GPHN: variants seen among roughly 807,000 people sequenced by gnomAD.
GPHN encodes the protein gephyrin.
Under a neutral mutation model 95.5 loss-of-function variants are expected in GPHN, and 17 were observed. That is an observed-to-expected ratio of 0.18 (90% confidence interval 0.12 to 0.27). The LOEUF (loss-of-function observed/expected upper bound fraction) is 0.27, where lower values mean the gene tolerates loss of function less well. Among genes scored for constraint, GPHN ranks in the 10% least tolerant of loss-of-function variants. GPHN has a pLI of 1.00. For synonymous variants in GPHN, 320 were observed against 322.5 expected, an observed-to-expected ratio of 0.99 and a Z score of 0.08; for missense variants, 660 against 978.1, an observed-to-expected ratio of 0.67 and a Z score of 4.34.
chr14:67,478,136 G>T, the GPHN span, among the ~76,000 whole-genome samples: 1 of 152,208 alleles, frequency 6.6e-6, no homozygotes, highest in East Asian at 1.9e-4. Context: ...CAGACGGCTG[G>T]GGCAGCGTAG....
intron 3 of GPHN, among the ~76,000 whole-genome samples, chr14:66,818,987 C>T (rs2061088420): frequency 6.6e-6 from 1 of 152,076 alleles, no homozygotes; most frequent in African/African-American, 2.4e-5. Context: ...GGATATTAGA[C>T]CTTTGTCAGA....
At chr14:67,323,834 A>G in the GPHN span, 2 of 1,245,618 alleles carry the variant, frequency 1.6e-6, no homozygotes, top group Admixed American at 4.1e-5. Context: ...ACACTATTGT[A>G]CTATTCCATT....
chr14:67,193,099 T>C, the GPHN span, among the ~76,000 whole-genome samples: 2 of 144,770 alleles, frequency 1.4e-5, no homozygotes, highest in South Asian at 4.5e-4. Context: ...TATCTCTATA[T>C]ATCTCTATAT....
intron 12 of GPHN, among the ~76,000 whole-genome samples, chr14:67,094,374 C>T (rs2077263301): frequency 6.6e-6 from 1 of 152,100 alleles, no homozygotes; most frequent in South Asian, 2.1e-4. Context: ...TTACATAATG[C>T]ATATGCCATT....
At chr14:67,193,731 C>T in the GPHN span, among the ~76,000 whole-genome samples, 9 of 146,360 alleles carry the variant, frequency 6.1e-5, no homozygotes, top group African/African-American at 2.3e-4. Context: ...TCACTTGAGC[C>T]CAGGAGTTTG....
chr14:66,981,824 C>G lies in GPHN; in HGVS notation c.963+16499C>G, dbSNP rs545512905. Among the ~76,000 whole-genome samples the G allele has an allele frequency of 2.0e-5, 3 of 152,232 alleles. No homozygotes were observed. In the South Asian group the frequency reaches 6.2e-4, roughly 32 times the overall value. ...CATTCGTTATTCCATAGGTAAGAGA[C>G]TAAATTTAATTAAACAACCTGAGAG... is the stretch of plus-strand genomic sequence containing the variant. On this transcript the variant is annotated intron_variant, in intron 9 of 22. Transcript: ENST00000478722.
intron 1 of GPHN, among the ~76,000 whole-genome samples, chr14:66,649,116 G>A (rs2064907664): frequency 6.6e-6 from 1 of 152,200 alleles, no homozygotes; most frequent in Non-Finnish European, 1.5e-5. Flanking sequence ...TGGATTGCCT[G>A]AGCTCAGGAG....
chr14:66,859,592 T>C (rs1453836610), intron 4 of GPHN, among the ~76,000 whole-genome samples: 1 of 152,194 alleles, frequency 6.6e-6, no homozygotes, highest in Non-Finnish European at 1.5e-5. Context: ...AGTATCACGA[T>C]CACCCAGGAA....
chr14:67,464,413 A>G, the GPHN span, among the ~76,000 whole-genome samples: 1 of 151,768 alleles, frequency 6.6e-6, no homozygotes, highest in Non-Finnish European at 1.5e-5. Flanking sequence ...TGTCCATCAC[A>G]TCCATCACCC....
intron 1 of GPHN, among the ~76,000 whole-genome samples, chr14:66,582,782 CATT>C (rs1451160608): frequency 6.6e-6 from 1 of 152,086 alleles, no homozygotes; most frequent in Non-Finnish European, 1.5e-5. Flanking sequence ...TCCAGTCTAT[CATT>C]GTTGGATATT....
At chr14:67,375,327 CT>C in the GPHN span, among the ~76,000 whole-genome samples, 1 of 150,594 alleles carries the variant, frequency 6.6e-6, no homozygotes, top group African/African-American at 2.4e-5. Context: ...GCAATCTCAA[CT>C]TACTGCAACC....
chr14:67,339,123 G>A, the GPHN span, among the ~76,000 whole-genome samples: 19 of 151,546 alleles, frequency 1.3e-4, no homozygotes, highest in African/African-American at 4.1e-4. Flanking sequence ...AGCCTCCCGA[G>A]TAGCTGGGAA....
chr14:66,637,003 G>A (rs72726433), intron 1 of GPHN, among the ~76,000 whole-genome samples: 5,901 of 152,132 alleles, frequency 0.039, 173 homozygotes, highest in Middle Eastern at 0.065. Context: ...GTTAACACCC[G>A]GACTCCTTTG....
At chr14:67,086,365 G>A (rs1468144779) in intron 11 of GPHN, among the ~76,000 whole-genome samples, 2 of 152,170 alleles carry the variant, frequency 1.3e-5, no homozygotes, top group African/African-American at 4.8e-5. Context: ...TGGCTGAAAA[G>A]TTCTGGTCGG....
At chr14:66,605,227 G>A (rs943798037) in intron 1 of GPHN, among the ~76,000 whole-genome samples, 1 of 151,872 alleles carries the variant, frequency 6.6e-6, no homozygotes, top group Non-Finnish European at 1.5e-5. Context: ...GTAATGGGAT[G>A]GCTGGGTCAA....
the GPHN span, chr14:67,690,438 G>GA: frequency 4.5e-5 from 73 of 1,609,196 alleles, no homozygotes; most frequent in East Asian, 1.6e-3. Flanking sequence ...AGAAATACTA[G>GA]AATTAATGAA....
At chr14:67,295,659 T>TA in the GPHN span, among the ~76,000 whole-genome samples, 1 of 152,132 alleles carries the variant, frequency 6.6e-6, no homozygotes, top group African/African-American at 2.4e-5. Context: ...CATAATGAGA[T>TA]ACAGTTACAC....
intron 13 of GPHN, among the ~76,000 whole-genome samples, chr14:67,104,353 C>A (rs1040464205): frequency 3.3e-5 from 5 of 152,128 alleles, no homozygotes; most frequent in African/African-American, 9.7e-5. Context: ...GTTTGAGTAG[C>A]AGAATAATGC....
At chr14:67,265,174 A>C in the GPHN span, among the ~76,000 whole-genome samples, 1 of 152,224 alleles carries the variant, frequency 6.6e-6, no homozygotes, top group African/African-American at 2.4e-5. Flanking sequence ...TGACAAATGA[A>C]GGTACTTTGA....
Sources: gnomAD v4.1 joint callset for allele counts (sites outside exome capture counted in the v4.1 genomes callset) on GRCh38, gnomAD v4.1.1 for gene constraint, MANE v1.5 for transcripts, NCBI Gene and HGNC (gene_info 2026-07-23, HGNC 2026-07-21) for gene names.